The following ATP5MF variants were observed in gnomAD, a reference collection of about 807,000 sequenced individuals.
The protein encoded by ATP5MF is ATP synthase membrane subunit f.
A neutral mutation model predicts 13.8 loss-of-function variants in ATP5MF; 10 were observed. The observed-to-expected ratio is 0.72, with a 90% confidence interval of 0.45 to 1.23. The LOEUF is 1.23. Among genes scored for constraint, ATP5MF ranks in the 50% most tolerant of loss-of-function variants. The pLI, the probability that ATP5MF is intolerant of heterozygous loss-of-function variation, is 0.00. For missense variants in ATP5MF, 122 were observed against 118.2 expected (o/e 1.03, Z -0.15); for synonymous variants, 40 against 45.8 (o/e 0.87, Z 0.51).
Position 99,459,134 on chromosome 7 carries a change from C to A in ATP5MF, c.256+13G>T. 6.2e-7 allele frequency: 1 copy of A among 1,603,144 alleles called. No homozygotes were observed. Among genetic ancestry groups the A allele is most frequent in the Non-Finnish European group, 8.5e-7 (1 of 1,171,040 alleles). On this transcript the variant is annotated intron_variant, in intron 3 of 3. Transcript: ENST00000292475. ...CATGGGAACTAAAGGCAAGACGCCG[C>A]AGAGGCACTCACTGAGATGCTTGTA...
In ATP5MF at chr7:99,458,325, C is replaced by T. The variant is rs372936495; in HGVS notation, c.*2G>A. The T allele has an allele frequency of 5.8e-5, 94 of 1,609,950 alleles. No homozygotes were observed. In the East Asian group the frequency reaches 1.5e-3, roughly 26 times the overall value. On this transcript the variant is annotated 3_prime_UTR_variant, in exon 4 of 4. Transcript: ENST00000292475. ...GGTGGGGGGGTGCAGAGTGTGTCCT[C>T]TTCAGTGGTATTTGCGGAGCCGCTC...
intron 1 of ATP5MF, among the ~76,000 whole-genome samples, chr7:99,464,233 C>T (rs1287649121): frequency 6.6e-6 from 1 of 152,240 alleles, no homozygotes; most frequent in Non-Finnish European, 1.5e-5. Flanking sequence ...CCCCAGTGTT[C>T]ACTTTTCACA....
chr7:99,460,321 AC>A, intron 1 of ATP5MF, 128 bp from the exon 2 acceptor site: 1 of 1,004,080 alleles, frequency 1.0e-6, no homozygotes, highest in Non-Finnish European at 1.5e-6. Flanking sequence ...GGCTGCACAT[AC>A]ACAATATTAT....
intron 1 of ATP5MF, among the ~76,000 whole-genome samples, chr7:99,461,212 A>C (rs1798586972): frequency 6.6e-6 from 1 of 152,080 alleles, no homozygotes; most frequent in Admixed American, 6.6e-5. Flanking sequence ...TTTATTTCTG[A>C]GAGACAGGGT....
At chr7:99,458,399 A>G (rs1798428531) in intron 3 of ATP5MF, 44 bp from the exon 4 acceptor site, 1 of 1,585,730 alleles carries the variant, frequency 6.3e-7, no homozygotes, top group Non-Finnish European at 8.6e-7. Flanking sequence ...AAAAGGTTAC[A>G]GTGAAGGCAC....
At chr7:99,459,618 A>G (rs1304876317) in intron 2 of ATP5MF, 2 of 272,374 alleles carry the variant, frequency 7.3e-6, no homozygotes, top group South Asian at 4.3e-5. Flanking sequence ...GGGTCTCTCC[A>G]TATTGCCTAG....
chr7:99,458,520 G>A (rs1184267002), intron 3 of ATP5MF, among the ~76,000 whole-genome samples, 165 bp from the exon 4 acceptor site: 2 of 152,104 alleles, frequency 1.3e-5, no homozygotes, highest in Non-Finnish European at 2.9e-5. Flanking sequence ...GACCCGGGGG[G>A]CACAAAGACA....
chr7:99,464,625 T>C (rs908587472), intron 1 of ATP5MF, among the ~76,000 whole-genome samples: 2 of 151,222 alleles, frequency 1.3e-5, no homozygotes, highest in African/African-American at 4.9e-5. Context: ...ATCGCGCCAC[T>C]GCACTCCAGC....
rs1798521021 is a variant in ATP5MF at position 99,459,886 on chromosome 7, CTG to C, written c.139+198_139+199del. 20 of 591,980 alleles carry C rather than the reference CTG, an allele frequency of 3.4e-5. No homozygotes were observed. In the South Asian group the frequency reaches 4.2e-4, roughly 12 times the overall value. 36.7% of individuals were successfully genotyped at this position (591,980 alleles called of 1,614,324 possible). On this transcript the variant is annotated intron_variant, in intron 2 of 3. Coordinates refer to ENST00000292475, the MANE Select transcript of ATP5MF (RefSeq NM_004889.5). ...CAAGCAACAGGAAACATGTTCTTGG[CTG>C]TAATATCTCAGAGCCAGCCTTTGAA...
rs764919414 is a variant in ATP5MF, at chr7:99,458,305, G to T, written c.*22C>A. ...GGCTCGGGCCAAGGTCGTGGGGTGGGGGGGTGCAGAGTGTGTCCTCTTCAG... is the reference window on the plus strand; with the variant it reads ...GGCTCGGGCCAAGGTCGTGGGGTGGTGGGGTGCAGAGTGTGTCCTCTTCAG... On this transcript the variant is annotated 3_prime_UTR_variant, in exon 4 of 4. Transcript: ENST00000292475. The T allele has an allele frequency of 1.2e-6, 2 of 1,608,606 alleles. No homozygotes were observed. Among genetic ancestry groups the T allele is most frequent in the Non-Finnish European group, 1.7e-6 (2 of 1,178,320 alleles).
intron 2 of ATP5MF, 93 bp from the exon 3 acceptor site, chr7:99,459,356 A>G (rs894620809): frequency 4.3e-6 from 4 of 924,284 alleles, no homozygotes; most frequent in Non-Finnish European, 7.1e-6. Context: ...TCAGGGACCT[A>G]GTCCTGCTCT....
At chr7:99,464,977 T>C (rs566282017) in intron 1 of ATP5MF, among the ~76,000 whole-genome samples, 3 of 148,944 alleles carry the variant, frequency 2.0e-5, no homozygotes, top group South Asian at 2.1e-4. Flanking sequence ...AAAAAAAGAA[T>C]ACAGAAACGC....
intron 1 of ATP5MF, 54 bp from the exon 2 acceptor site, chr7:99,460,247 T>C (rs781058090): frequency 1.9e-6 from 3 of 1,594,272 alleles, no homozygotes; most frequent in East Asian, 4.5e-5. Context: ...CAGTAACACA[T>C]ATGGCATCCT....
intron 1 of ATP5MF, among the ~76,000 whole-genome samples, chr7:99,464,618 G>A (rs1798766051): frequency 6.6e-6 from 1 of 151,700 alleles, no homozygotes; most frequent in Non-Finnish European, 1.5e-5. Flanking sequence ...AGCTGAGATC[G>A]CGCCACTGCA....
rs368442669 is a variant in ATP5MF at position 99,464,252 on chromosome 7, CCTT to C, written c.31+1856_31+1858del. 5.9e-5 allele frequency among the ~76,000 whole-genome samples: 9 copies of C among 152,362 alleles called. No homozygotes were observed. In the South Asian group the frequency reaches 1.9e-3, roughly 32 times the overall value. ...AGTGTTCACTTTTCACAGGTTGTCT[CCTT>C]AACACAACTACCGTGTACGACGAAT... On this transcript the variant is annotated intron_variant, in intron 1 of 3. Transcript: ENST00000292475.
intron 3 of ATP5MF, chr7:99,458,808 T>G (rs1798459001): frequency 3.0e-6 from 1 of 333,336 alleles, no homozygotes; most frequent in Non-Finnish European, 5.6e-6. Flanking sequence ...GGGTACCAGA[T>G]TATCCCACTC....
chr7:99,461,812 G>A (rs867269219), intron 1 of ATP5MF, among the ~76,000 whole-genome samples: 190 of 151,158 alleles, frequency 1.3e-3, no homozygotes, highest in African/African-American at 4.5e-3. Flanking sequence ...CATGCGCCAC[G>A]ACACCCAGCT....
chr7:99,459,132 C>T lies in ATP5MF; in HGVS notation c.256+15G>A, dbSNP rs369499770. Reference sequence around the variant, plus strand: ...CTCATGGGAACTAAAGGCAAGACGCCGCAGAGGCACTCACTGAGATGCTTG... The same window carrying T: ...CTCATGGGAACTAAAGGCAAGACGCTGCAGAGGCACTCACTGAGATGCTTG... On this transcript the variant is annotated intron_variant, in intron 3 of 3. Transcript: ENST00000292475. The T allele has an allele frequency of 1.4e-5, 23 of 1,600,230 alleles. No individual in the cohort carries two copies. The highest frequency in any genetic ancestry group is 4.4e-5 in the South Asian group (4 of 90,714).
intron 1 of ATP5MF, chr7:99,460,469 G>A (rs1172551259): frequency 7.5e-6 from 5 of 666,804 alleles, no homozygotes; most frequent in African/African-American, 3.5e-5. Context: ...AAAGGGTCTC[G>A]AAAAAAGCAG....
Sources: gnomAD v4.1 joint callset for allele counts (sites outside exome capture counted in the v4.1 genomes callset) on GRCh38, gnomAD v4.1.1 for gene constraint, MANE v1.5 for transcripts, NCBI Gene and HGNC (gene_info 2026-07-23, HGNC 2026-07-21) for gene names.